CRYL1: variants seen among roughly 807,000 people sequenced by gnomAD.
The protein encoded by CRYL1 is lambda-crystallin homolog.
A neutral mutation model predicts 36.6 loss-of-function variants in CRYL1; 29 were observed. The ratio of observed to expected loss-of-function variants is 0.79; its 90% confidence interval spans 0.59 to 1.08. CRYL1 has a LOEUF of 1.08. Among genes scored for constraint, CRYL1 ranks in the 50% least tolerant of loss-of-function variants. The probability of loss-of-function intolerance (pLI) is 0.00; values close to 1 mark genes in which losing one functional copy is unlikely to be tolerated. For synonymous variants in CRYL1, 152 were observed against 151.5 expected (o/e 1.00, Z -0.02); for missense variants, 411 against 407.9 (o/e 1.01, Z -0.06).
chr13:20,516,824 G>A (rs2034007223), intron 1 of CRYL1, among the ~76,000 whole-genome samples: 1 of 152,190 alleles, frequency 6.6e-6, no homozygotes, highest in Non-Finnish European at 1.5e-5. Context: ...GTAATTCCAG[G>A]ACTTTGGGAG....
Position 20,413,264 on chromosome 13 carries a change from C to G in CRYL1, c.739+18G>C, listed in dbSNP as rs766846527. The stretch of plus-strand genomic sequence containing the variant: ...CACTAAATAGAATGGAATTCCCATC[C>G]TGGCCCCAGATGCATACCTTCTGCA... On this transcript the variant is annotated intron_variant, in intron 6 of 7. Coordinates refer to ENST00000298248, the MANE Select transcript of CRYL1 (RefSeq NM_015974.3). The G allele has an allele frequency of 6.6e-7, 1 of 1,525,828 alleles. No individual in the cohort carries two copies. Among genetic ancestry groups the G allele is most frequent in the Non-Finnish European group, 9.0e-7 (1 of 1,107,466 alleles). 94.5% of individuals were successfully genotyped at this position (1,525,828 alleles called of 1,614,324 possible). A position where few individuals can be genotyped will look rare whatever the true frequency, so the allele number is the denominator to read the frequency against.
chr13:20,471,759 C>G (rs776464002), intron 3 of CRYL1, among the ~76,000 whole-genome samples: 5 of 152,126 alleles, frequency 3.3e-5, no homozygotes, highest in African/African-American at 4.8e-5. Flanking sequence ...CCCATGGATG[C>G]TAAAATTCGA....
rs554060947 is a variant in CRYL1 at position 20,432,692 on chromosome 13, C to T, written c.439-396G>A. ...CATGTCTTCCCATCTGCAGTCACCA[C>T]AGGCTCTGACATTCTTCTGTGTCAG... On this transcript the variant is annotated intron_variant, in intron 4 of 7. Transcript: ENST00000298248. 6.6e-5 allele frequency among the ~76,000 whole-genome samples: 10 copies of T among 152,228 alleles called. 1 individual carries two copies. In the South Asian group the frequency reaches 2.1e-3, roughly 32 times the overall value.
At chr13:20,411,027 C>A (rs993485897) in intron 6 of CRYL1, among the ~76,000 whole-genome samples, 1 of 152,160 alleles carries the variant, frequency 6.6e-6, no homozygotes, top group Non-Finnish European at 1.5e-5. Flanking sequence ...AAAAATAAAT[C>A]CTAAAATATT....
chr13:20,475,777 A>T (rs952258835), intron 3 of CRYL1, among the ~76,000 whole-genome samples: 7 of 152,248 alleles, frequency 4.6e-5, no homozygotes, highest in African/African-American at 1.7e-4. Context: ...TTTCAGCGGA[A>T]GATTCCCACC....
rs912610628 is a variant in CRYL1 at position 20,514,182 on chromosome 13, C to T, written c.42-1632G>A. Among the ~76,000 whole-genome samples, 4 of 152,284 alleles carry T rather than the reference C, an allele frequency of 2.6e-5. No homozygotes were observed. In the South Asian group the frequency reaches 6.2e-4, roughly 24 times the overall value. On this transcript the variant is annotated intron_variant, in intron 1 of 7. Coordinates refer to ENST00000298248, the MANE Select transcript of CRYL1 (RefSeq NM_015974.3). Reference sequence around the variant, plus strand: ...CTTCCGTGTGCAGAGTGACCTCCTTCCAAAAAGCACAGTATGGAAGAGGGA... The same window carrying T: ...CTTCCGTGTGCAGAGTGACCTCCTTTCAAAAAGCACAGTATGGAAGAGGGA...
At chr13:20,463,831 G>A (rs915132980) in intron 3 of CRYL1, among the ~76,000 whole-genome samples, 8 of 152,118 alleles carry the variant, frequency 5.3e-5, no homozygotes, top group African/African-American at 1.4e-4. Flanking sequence ...GACATTATTC[G>A]AAGATGTAGT....
At chr13:20,488,537 G>A (rs972193260) in intron 3 of CRYL1, among the ~76,000 whole-genome samples, 2 of 152,180 alleles carry the variant, frequency 1.3e-5, no homozygotes, top group African/African-American at 4.8e-5. Flanking sequence ...TCTTAGAGCA[G>A]GAAATGACCA....
chr13:20,502,665 G>A (rs2033723946), intron 2 of CRYL1, among the ~76,000 whole-genome samples: 1 of 151,794 alleles, frequency 6.6e-6, no homozygotes, highest in Non-Finnish European at 1.5e-5. Flanking sequence ...AAAAAAAAAA[G>A]GTCTCCTCCC....
In CRYL1 at chr13:20,525,262, C is replaced by T. The variant is rs760675142; in HGVS notation, c.41+492G>A. ...GCCGACAGGACTGCGCTGGCACCCT[C>T]CCTGCTGGGCTAGTCCTGTCTCCGT... On this transcript the variant is annotated intron_variant, in intron 1 of 7. Transcript: ENST00000298248. The surrounding 1 kb of genome is among the most constrained non-coding windows in gnomAD (Gnocchi z 4.3). 3.2e-4 allele frequency among the ~76,000 whole-genome samples: 48 copies of T among 152,214 alleles called. No individual in the cohort carries two copies. Among genetic ancestry groups the T allele is most frequent in the Non-Finnish European group, 6.2e-4 (42 of 68,040 alleles).
chr13:20,497,837 C>T (rs1256706780), intron 2 of CRYL1, among the ~76,000 whole-genome samples: 3 of 151,332 alleles, frequency 2.0e-5, no homozygotes, highest in Non-Finnish European at 4.4e-5. Flanking sequence ...ACCATACATA[C>T]ACCACATACA....
intron 1 of CRYL1, among the ~76,000 whole-genome samples, chr13:20,524,612 G>T (rs2034155389): frequency 6.6e-6 from 1 of 152,098 alleles, no homozygotes; most frequent in Admixed American, 6.5e-5. Context: ...CCCGACCTCA[G>T]ATGATCCGCC....
At chr13:20,501,688 G>A (rs944670050) in intron 2 of CRYL1, among the ~76,000 whole-genome samples, 1 of 152,196 alleles carries the variant, frequency 6.6e-6, no homozygotes, top group African/African-American at 2.4e-5. Context: ...GCACACTGGA[G>A]GCAAAGAACA....
intron 2 of CRYL1, among the ~76,000 whole-genome samples, chr13:20,496,115 T>C (rs1402693654): frequency 6.6e-6 from 1 of 152,208 alleles, no homozygotes; most frequent in Non-Finnish European, 1.5e-5. Context: ...ATGAACTTTT[T>C]ACTTAACATT....
chr13:20,417,313 A>T lies in CRYL1; in HGVS notation c.634-3926T>A, dbSNP rs1171156588. Among the ~76,000 whole-genome samples the T allele has an allele frequency of 3.3e-5, 5 of 152,198 alleles. No homozygotes were observed. The East Asian group carries it at 9.6e-4, about 29-fold the overall frequency. ...AATGACAAATAATCATTTGTCATTG[A>T]TAAATAATCGCAGCAGCATGACAGG... On this transcript the variant is annotated intron_variant, in intron 5 of 7. Transcript: ENST00000298248.
chr13:20,485,636 T>G (rs28459019), intron 3 of CRYL1, among the ~76,000 whole-genome samples: 4 of 148,630 alleles, frequency 2.7e-5, no homozygotes, highest in African/African-American at 1.0e-4. Flanking sequence ...GCCACTGCAC[T>G]CCAGCCTGGA....
At chr13:20,517,473 T>C (rs2034020572) in intron 1 of CRYL1, among the ~76,000 whole-genome samples, 1 of 151,978 alleles carries the variant, frequency 6.6e-6, no homozygotes, top group African/African-American at 2.4e-5. Context: ...CACGCATCTG[T>C]AATCCCAGCT....
chr13:20,405,775 G>C (rs1258178965), intron 6 of CRYL1: 3 of 152,514 alleles, frequency 2.0e-5, no homozygotes, highest in African/African-American at 7.2e-5. Flanking sequence ...ATCCTGGAGG[G>C]AGAGGGAGGG....
At chr13:20,518,959 G>A (rs1216847055) in intron 1 of CRYL1, among the ~76,000 whole-genome samples, 3 of 152,238 alleles carry the variant, frequency 2.0e-5, no homozygotes, top group Admixed American at 2.0e-4. Flanking sequence ...GCAGATGTTA[G>A]GAGGGAAGAT....
Sources: gnomAD v4.1 joint callset for allele counts (sites outside exome capture counted in the v4.1 genomes callset) on GRCh38, gnomAD v4.1.1 for gene constraint, Gnocchi (gnomAD v3.1) non-coding constraint, MANE v1.5 for transcripts, NCBI Gene and HGNC (gene_info 2026-07-23, HGNC 2026-07-21) for gene names.